CNKSR3: variants seen among roughly 807,000 people sequenced by gnomAD.
CNKSR3 encodes the protein connector enhancer of kinase suppressor of ras 3.
CNKSR3 carries 36 observed loss-of-function variants against 67.7 expected under a neutral mutation model. The observed-to-expected ratio is 0.53, with a 90% confidence interval of 0.41 to 0.70. The LOEUF is 0.70. Among genes scored for constraint, CNKSR3 ranks in the 30% least tolerant of loss-of-function variants. CNKSR3 has a pLI of 0.00. For synonymous variants in CNKSR3, 281 were observed against 271.4 expected, an observed-to-expected ratio of 1.04 and a Z score of -0.35; for missense variants, 630 against 695.2, an observed-to-expected ratio of 0.91 and a Z score of 1.05.
At position 154,431,165 on chromosome 6, in the gene CNKSR3, C is replaced by T. The variant is rs188482640; in HGVS notation, c.550-574G>A. 1.8e-3 allele frequency among the ~76,000 whole-genome samples: 280 copies of T among 152,160 alleles called. 4 individuals carry two copies. Among genetic ancestry groups the T allele is most frequent in the African/African-American group, 6.3e-3 (263 of 41,526 alleles). ...ATTTGTTATAAATGACAAACTAGGA[C>T]GGGCACAGTGGCTCATGCCTGTAAT... is the stretch of plus-strand genomic sequence containing the variant. On this transcript the variant is annotated intron_variant, in intron 5 of 12. Transcript: ENST00000607772.
chr6:154,489,003 G>A (rs1412884635), intron 1 of CNKSR3, among the ~76,000 whole-genome samples: 5 of 152,114 alleles, frequency 3.3e-5, no homozygotes, highest in Admixed American at 3.3e-4. Context: ...CAAAGGGGAG[G>A]GCGAGCGGCC....
intron 9 of CNKSR3, among the ~76,000 whole-genome samples, chr6:154,420,866 T>C (rs72993378): frequency 0.026 from 3,970 of 152,252 alleles, 87 homozygotes; most frequent in Non-Finnish European, 0.043. Flanking sequence ...TTTCAAAACA[T>C]TGTGTTGTAC....
chr6:154,504,553 CT>C (rs1418915320), intron 1 of CNKSR3, among the ~76,000 whole-genome samples: 1 of 152,232 alleles, frequency 6.6e-6, no homozygotes, highest in African/African-American at 2.4e-5. Flanking sequence ...GCTCCACCCC[CT>C]GGTACAAGTA....
chr6:154,453,689 G>A (rs2128719676), intron 1 of CNKSR3, among the ~76,000 whole-genome samples: 1 of 152,196 alleles, frequency 6.6e-6, no homozygotes, highest in East Asian at 1.9e-4. Flanking sequence ...CTATTGTTTA[G>A]AATACAATTA....
chr6:154,394,711 C>G lies in CNKSR3; in HGVS notation c.*11643G>C, dbSNP rs1241793999. The G allele has an allele frequency of 6.9e-6, 1 of 144,932 alleles. No homozygotes were observed. Among genetic ancestry groups the G allele is most frequent in the East Asian group, 2.0e-4 (1 of 4,886 alleles). 9.0% of individuals were successfully genotyped at this position (144,932 alleles called of 1,614,324 possible). On this transcript the variant is annotated 3_prime_UTR_variant, in exon 13 of 13. Transcript: ENST00000607772. ...AGTGAAATTGAAAACAAAGAAACAA[C>G]AGAAAGGCCCAACAAAGGGACCACT...
chr6:154,410,527 A>G (rs1408704519), intron 11 of CNKSR3, 95 bp from the exon 12 acceptor site: 1 of 754,384 alleles, frequency 1.3e-6, no homozygotes, highest in Non-Finnish European at 2.3e-6. Flanking sequence ...TCACAATACC[A>G]CACCCACTTA....
intron 1 of CNKSR3, among the ~76,000 whole-genome samples, chr6:154,454,104 C>CACACACACACACAGAGAGAGAG (rs1268729108): frequency 1.6e-4 from 19 of 116,326 alleles, no homozygotes; most frequent in African/African-American, 6.2e-4. Flanking sequence ...CACACACACA[C>CACACACACACACAGAGAGAGAG]AGAGAGAGAG....
At chr6:154,479,882 G>GT (rs1180936261) in intron 1 of CNKSR3, among the ~76,000 whole-genome samples, 1 of 152,214 alleles carries the variant, frequency 6.6e-6, no homozygotes, top group Non-Finnish European at 1.5e-5. Context: ...ACTGTACACT[G>GT]TGAGTTTCTC....
At chr6:154,489,115 T>G (rs1252402404) in intron 1 of CNKSR3, among the ~76,000 whole-genome samples, 2 of 152,310 alleles carry the variant, frequency 1.3e-5, no homozygotes, top group East Asian at 3.9e-4. Context: ...CTTACAGGGT[T>G]CAGGAACTCA....
chr6:154,504,550 C>A (rs1787059508), intron 1 of CNKSR3, among the ~76,000 whole-genome samples: 1 of 152,206 alleles, frequency 6.6e-6, no homozygotes, highest in Admixed American at 6.5e-5. Context: ...TCAGCTCCAC[C>A]CCCTGGTACA....
At chr6:154,437,080 G>T (rs568072368) in intron 4 of CNKSR3, among the ~76,000 whole-genome samples, 16 of 152,130 alleles carry the variant, frequency 1.1e-4, no homozygotes, top group Non-Finnish European at 1.9e-4. Context: ...ACAAGCAAAT[G>T]TCTCTTCACA....
intron 11 of CNKSR3, among the ~76,000 whole-genome samples, 164 bp downstream of exon 11, chr6:154,410,770 C>G (rs2275337): frequency 0.53 from 80,364 of 151,830 alleles, 21,863 homozygotes; most frequent in East Asian, 0.65. Flanking sequence ...ATCCGCTTGA[C>G]AGAGATGAAT....
chr6:154,461,031 C>T (rs1285939096), intron 1 of CNKSR3, among the ~76,000 whole-genome samples: 3 of 152,284 alleles, frequency 2.0e-5, no homozygotes, highest in Non-Finnish European at 2.9e-5. Context: ...TTTCAAAGTG[C>T]GTGGTCCAAA....
At chr6:154,466,087 T>A (rs1175150132) in intron 1 of CNKSR3, among the ~76,000 whole-genome samples, 1 of 152,214 alleles carries the variant, frequency 6.6e-6, no homozygotes, top group Non-Finnish European at 1.5e-5. Context: ...GAAAAAACTT[T>A]AGAAAATGGC....
In CNKSR3 at chr6:154,410,371, AAAAGGGTCC is replaced by A; in HGVS notation, c.1332_1340del (p.Asp445_Phe447del). 6.2e-7 allele frequency: 1 copy of A among 1,613,888 alleles called. No homozygotes were observed. The highest frequency in any genetic ancestry group is 8.5e-7 in the Non-Finnish European group (1 of 1,179,794). On this transcript the variant is annotated inframe_deletion, in exon 12 of 13. Transcript: ENST00000607772. ...TCCTGCCATGACCTCGAGGTCTGGC[AAAAGGGTCC>A]ACAATCCCCATCCAGTTCCCATCAG...
At chr6:154,445,363 G>A (rs1057177229) in intron 2 of CNKSR3, among the ~76,000 whole-genome samples, 1 of 152,152 alleles carries the variant, frequency 6.6e-6, no homozygotes, top group African/African-American at 2.4e-5. Context: ...AAAATAAGAT[G>A]GATTTGCATC....
chr6:154,445,343 TAG>T (rs1240305977), intron 2 of CNKSR3, among the ~76,000 whole-genome samples: 1 of 152,134 alleles, frequency 6.6e-6, no homozygotes, highest in Non-Finnish European at 1.5e-5. Flanking sequence ...TGTCCTTCAA[TAG>T]AGAGACAAAA....
At chr6:154,448,394 C>T (rs1785751744) in intron 2 of CNKSR3, among the ~76,000 whole-genome samples, 1 of 148,512 alleles carries the variant, frequency 6.7e-6, no homozygotes, top group African/African-American at 2.5e-5. Flanking sequence ...AAGCCATGTT[C>T]CCAGAAAGTA....
At chr6:154,412,053 T>G (rs1784923579) in intron 10 of CNKSR3, among the ~76,000 whole-genome samples, 1 of 152,218 alleles carries the variant, frequency 6.6e-6, no homozygotes, top group African/African-American at 2.4e-5. Context: ...CTGCTTAGTT[T>G]TTTTGCACTT....
Sources: gnomAD v4.1 joint callset for allele counts (sites outside exome capture counted in the v4.1 genomes callset) on GRCh38, gnomAD v4.1.1 for gene constraint, MANE v1.5 for transcripts, NCBI Gene and HGNC (gene_info 2026-07-23, HGNC 2026-07-21) for gene names.